ATP8B1: variants seen among roughly 807,000 people sequenced by gnomAD.
ATP8B1 encodes the protein ATPase phospholipid transporting 8B1, also known as phospholipid-transporting ATPase IC.
In ATP8B1, 80 loss-of-function variants were observed where a neutral mutation model predicts 149.9. The ratio of observed to expected loss-of-function variants is 0.53; its 90% confidence interval spans 0.45 to 0.64. The LOEUF is 0.64. Among genes scored for constraint, ATP8B1 ranks in the 30% least tolerant of loss-of-function variants. The pLI is 0.00. For missense variants in ATP8B1, 1,247 were observed against 1,552.6 expected (o/e 0.80, Z 3.31); for synonymous variants, 536 against 562.8 (o/e 0.95, Z 0.67).
intron 1 of ATP8B1, among the ~76,000 whole-genome samples, chr18:57,795,876 T>TAA (rs112695967): frequency 3.7e-4 from 49 of 133,050 alleles, no homozygotes; most frequent in Admixed American, 8.1e-4. Flanking sequence ...ATTTTACATT[T>TAA]AAAAAAAAAA....
At chr18:57,711,629 G>A (rs1847893526) in intron 2 of ATP8B1, among the ~76,000 whole-genome samples, 2 of 152,132 alleles carry the variant, frequency 1.3e-5, no homozygotes, top group African/African-American at 4.8e-5. Context: ...GTCTCACTGT[G>A]GCACCTGGGC....
At chr18:57,697,719 G>T (rs189326810) in intron 7 of ATP8B1, 31 bp from the exon 8 acceptor site, 1 of 1,613,636 alleles carries the variant, frequency 6.2e-7, no homozygotes, top group East Asian at 2.2e-5. Flanking sequence ...AAATAACACC[G>T]AGACCCTGAG....
intron 22 of ATP8B1, among the ~76,000 whole-genome samples, chr18:57,657,633 T>C (rs1910094826): frequency 6.6e-6 from 1 of 152,236 alleles, no homozygotes; most frequent in Admixed American, 6.5e-5. Flanking sequence ...ATTTATGTTC[T>C]CTTTGAAAAC....
At position 57,648,479 on chromosome 18, in the gene ATP8B1, G is replaced by T; in HGVS notation, c.*9C>A. On this transcript the variant is annotated 3_prime_UTR_variant, in exon 28 of 28. Transcript: ENST00000648908. ...CTTTGTGGCCGCATCCCAGCCTGGG[G>T]GTAAGGGATCAGCTGTCCCCGGTGC... 1.2e-6 allele frequency: 2 copies of T among 1,610,976 alleles called. No homozygotes were observed. The highest frequency in any genetic ancestry group is 1.7e-6 in the Non-Finnish European group (2 of 1,179,884).
At chr18:57,706,899 C>T (rs576579484) in intron 2 of ATP8B1, among the ~76,000 whole-genome samples, 1 of 152,188 alleles carries the variant, frequency 6.6e-6, no homozygotes, top group Non-Finnish European at 1.5e-5. Context: ...ACAGATCTCT[C>T]CCTTGTAGCT....
chr18:57,667,458 C>T, intron 19 of ATP8B1: 1 of 393,274 alleles, frequency 2.5e-6, no homozygotes, highest in Non-Finnish European at 4.8e-6. Context: ...TACTGTTGAA[C>T]TGAATAATTG....
intron 1 of ATP8B1, among the ~76,000 whole-genome samples, chr18:57,780,399 C>G (rs1039028767): frequency 2.0e-5 from 3 of 152,186 alleles, no homozygotes; most frequent in Non-Finnish European, 4.4e-5. Context: ...TTATGCACAG[C>G]TGTGGGAAAC....
rs924743245 is a variant in ATP8B1 at position 57,803,173 on chromosome 18, G to C, written c.-201C>G. 2.0e-5 allele frequency: 3 copies of C among 152,508 alleles called. No homozygotes were observed. Among genetic ancestry groups the C allele is most frequent in the Non-Finnish European group, 4.4e-5 (3 of 68,348 alleles). The allele number at this position is 152,508 out of a possible 1,614,324, so 9.4% of individuals were successfully genotyped here. A position where few individuals can be genotyped will look rare whatever the true frequency, so the allele number is the denominator to read the frequency against. On this transcript the variant is annotated 5_prime_UTR_variant, in exon 1 of 28. Coordinates refer to ENST00000648908, the MANE Select transcript of ATP8B1 (RefSeq NM_001374385.1). ...CGGGGAAGCGTGTCTAGTTGGCGGC[G>C]GCACCTCCGGCTCTCGCGGCTCGCT...
chr18:57,658,157 C>T (rs536070213), intron 22 of ATP8B1, among the ~76,000 whole-genome samples: 1 of 152,110 alleles, frequency 6.6e-6, no homozygotes, highest in African/African-American at 2.4e-5. Flanking sequence ...AGTGACTCTC[C>T]TGCCTCAGGC....
chr18:57,716,230 G>T (rs2079581747), intron 2 of ATP8B1, among the ~76,000 whole-genome samples: 1 of 151,930 alleles, frequency 6.6e-6, no homozygotes, highest in Non-Finnish European at 1.5e-5. Context: ...GGAAATTAAA[G>T]CACACCACAA....
intron 22 of ATP8B1, among the ~76,000 whole-genome samples, chr18:57,656,968 T>A (rs1056684071): frequency 6.6e-6 from 1 of 152,034 alleles, no homozygotes; most frequent in Non-Finnish European, 1.5e-5. Flanking sequence ...ACAGGAGGTG[T>A]TTAAATAAAT....
rs1371427264 is a variant in ATP8B1 at position 57,684,182 on chromosome 18, A to C, written c.1484T>G (p.Phe495Cys). 3 of 1,613,780 alleles carry C rather than the reference A, an allele frequency of 1.9e-6. No homozygotes were observed. Among genetic ancestry groups the C allele is most frequent in the Non-Finnish European group, 2.5e-6 (3 of 1,179,836 alleles). Residue 495 changes from phenylalanine to cysteine, a missense_variant, in exon 15 of 28, where the codon TTT (phenylalanine) becomes TGT (cysteine). Coordinates refer to ENST00000648908, the MANE Select transcript of ATP8B1 (RefSeq NM_001374385.1). ...CCCATCAGCATATGTATTCCAGCTA[A>C]AATCAACTTGCTGAAAGAAATGGAG... ...HNHNKIEQVD[F>C]SWNTYADGKL...
chr18:57,668,555 A>AAAAAAG lies in ATP8B1; in HGVS notation c.2098-16_2098-15insCTTTTT. 1 of 1,269,918 alleles carries AAAAAAG rather than the reference A, an allele frequency of 7.9e-7. No homozygotes were observed. The allele number at this position is 1,269,918 out of a possible 1,614,324, so 78.7% of individuals were successfully genotyped here. A position where few individuals can be genotyped will look rare whatever the true frequency, so the allele number is the denominator to read the frequency against. ...GCTCCCAGGAGCTAGAATGTATATT[A>AAAAAAG]AAAAAAAAAAAAAAAGGAATTAGCA... On this transcript the variant is annotated splice_polypyrimidine_tract_variant and intron_variant, in intron 18 of 27. Coordinates refer to ENST00000648908, the MANE Select transcript of ATP8B1 (RefSeq NM_001374385.1).
At position 57,669,642 on chromosome 18, in the gene ATP8B1, G is replaced by A. The variant is rs55682341; in HGVS notation, c.1933-160C>T. Among the ~76,000 whole-genome samples, 30,404 of 138,592 alleles carry A rather than the reference G, an allele frequency of 0.22. 3,525 individuals carry two copies. The highest frequency in any genetic ancestry group is 0.3 in the South Asian group (1,331 of 4,370). The allele number at this position is 138,592 out of a possible 152,430, so 90.9% of individuals were successfully genotyped here. A position where few individuals can be genotyped will look rare whatever the true frequency, so the allele number is the denominator to read the frequency against. On this transcript the variant is annotated intron_variant, in intron 17 of 27. Coordinates refer to ENST00000648908, the MANE Select transcript of ATP8B1 (RefSeq NM_001374385.1). Reference sequence around the variant, plus strand: ...CTGTACAAATACACTTTAGAGAGGGGATTAAATGTCACTTTTTTTTTTTTT... The same window carrying A: ...CTGTACAAATACACTTTAGAGAGGGAATTAAATGTCACTTTTTTTTTTTTT...
At chr18:57,787,406 C>T (rs1483306423) in intron 1 of ATP8B1, among the ~76,000 whole-genome samples, 2 of 134,602 alleles carry the variant, frequency 1.5e-5, no homozygotes, top group Non-Finnish European at 3.4e-5. Flanking sequence ...TAGAGCACTG[C>T]GGGAGGAGCT....
rs914316404 is a variant in ATP8B1 at position 57,697,679 on chromosome 18, G to T, written c.637C>A (p.Leu213Ile). ...KKNDFVPADI[L>I]LLSSSEPNSL... ...TTAGGCTCAGAGCTAGACAGCAGGA[G>T]AATGTCAGCCTGTCCAAAACAAAAC... Residue 213 changes from leucine to isoleucine, a missense_variant, in exon 8 of 28, where the codon CTC becomes ATC. Coordinates refer to ENST00000648908, the MANE Select transcript of ATP8B1 (RefSeq NM_001374385.1). 2 of 1,613,944 alleles carry T rather than the reference G, an allele frequency of 1.2e-6. No homozygotes were observed. The highest frequency in any genetic ancestry group is 8.5e-7 in the Non-Finnish European group (1 of 1,180,028).
At chr18:57,655,548 T>G in intron 22 of ATP8B1, 131 bp from the exon 23 acceptor site, 12 of 824,658 alleles carry the variant, frequency 1.5e-5, no homozygotes, top group Admixed American at 2.0e-5. Flanking sequence ...ACAGAAGCTC[T>G]TGCTCACCAT....
Position 57,716,831 on chromosome 18 carries a change from G to C in ATP8B1, c.182-10244C>G, listed in dbSNP as rs117081062. Among the ~76,000 whole-genome samples, 285 of 152,246 alleles carry C rather than the reference G, an allele frequency of 1.9e-3. 8 individuals carry two copies. The East Asian group carries it at 0.045, about 24-fold the overall frequency. On this transcript the variant is annotated intron_variant, in intron 2 of 27. Coordinates refer to ENST00000648908, the MANE Select transcript of ATP8B1 (RefSeq NM_001374385.1). ...CTTAATCTGCACTATAGACCAAATA[G>C]ATATTTATAAAATATTTCATACAAC... is the stretch of plus-strand genomic sequence containing the variant.
In ATP8B1 at chr18:57,680,150, G is replaced by A. The variant is rs1186676406; in HGVS notation, c.1630+3886C>T. Among the ~76,000 whole-genome samples, 18 of 151,190 alleles carry A rather than the reference G, an allele frequency of 1.2e-4. 1 individual carries two copies. Among genetic ancestry groups the A allele is most frequent in the South Asian group, 6.3e-4 (3 of 4,784 alleles). On this transcript the variant is annotated intron_variant, in intron 15 of 27. Transcript: ENST00000648908. Reference sequence around the variant, plus strand: ...AAGTTAGCCAGGGTTTGGTGTGGGCGCCTGTAATCCCAGCTACTCGGGAGG... The same window carrying A: ...AAGTTAGCCAGGGTTTGGTGTGGGCACCTGTAATCCCAGCTACTCGGGAGG...
Sources: gnomAD v4.1 joint callset for allele counts (sites outside exome capture counted in the v4.1 genomes callset) on GRCh38, gnomAD v4.1.1 for gene constraint, MANE v1.5 for transcripts, NCBI Gene and HGNC (gene_info 2026-07-23, HGNC 2026-07-21) for gene names.